Variants in LRP1B observed in about 807,000 individuals in gnomAD.
LRP1B encodes low-density lipoprotein receptor-related protein 1B.
Under a neutral mutation model 556.6 loss-of-function variants are expected in LRP1B, and 217 were observed. That is an observed-to-expected ratio of 0.39 (90% confidence interval 0.35 to 0.44). LRP1B has a LOEUF of 0.44. Ranked by LOEUF, LRP1B falls within the 20% of genes least tolerant of loss-of-function variation. LRP1B has a pLI of 1.00. For synonymous variants in LRP1B, 2,047 were observed against 1,865.8 expected, an observed-to-expected ratio of 1.10 and a Z score of -2.50; for missense variants, 5,053 against 5,620.8, an observed-to-expected ratio of 0.90 and a Z score of 3.23.
intron 3 of LRP1B, among the ~76,000 whole-genome samples, chr2:141,375,051 G>A (rs1163099242): frequency 6.6e-6 from 1 of 152,102 alleles, no homozygotes; most frequent in African/African-American, 2.4e-5. Context: ...TCCTGAAGAT[G>A]TATGTATGTT....
intron 1 of LRP1B, among the ~76,000 whole-genome samples, chr2:141,833,742 C>CG (rs1553470930): frequency 4.7e-5 from 7 of 148,328 alleles, no homozygotes; most frequent in African/African-American, 1.8e-4. Flanking sequence ...AAGTAGCCAA[C>CG]GGAAAAAAAA....
chr2:140,268,133 C>A (rs1016722560), intron 86 of LRP1B, among the ~76,000 whole-genome samples: 2 of 151,950 alleles, frequency 1.3e-5, no homozygotes, highest in Non-Finnish European at 2.9e-5. Flanking sequence ...TCAGGAGAAG[C>A]CTTACTGGTG....
At chr2:141,716,348 A>C (rs1692585175) in intron 2 of LRP1B, among the ~76,000 whole-genome samples, 1 of 152,200 alleles carries the variant, frequency 6.6e-6, no homozygotes, top group South Asian at 2.1e-4. Context: ...CTTAGCAAGC[A>C]TTATACTTTA....
intron 86 of LRP1B, among the ~76,000 whole-genome samples, chr2:140,267,446 C>T (rs1430554561): frequency 6.6e-6 from 1 of 151,828 alleles, no homozygotes; most frequent in Non-Finnish European, 1.5e-5. Context: ...CACACCCTCC[C>T]CTATATTTTT....
At chr2:141,204,912 G>A (rs1199883817) in intron 6 of LRP1B, among the ~76,000 whole-genome samples, 29 of 151,914 alleles carry the variant, frequency 1.9e-4, no homozygotes, top group Non-Finnish European at 4.4e-5. Flanking sequence ...ACCCTAGCCT[G>A]GGTGACAGAG....
chr2:140,909,826 G>A (rs913358312), intron 21 of LRP1B, among the ~76,000 whole-genome samples: 8 of 150,842 alleles, frequency 5.3e-5, no homozygotes, highest in Admixed American at 4.0e-4. Context: ...TCTATAGAGA[G>A]CATATACTAG....
chr2:140,688,152 T>C (rs1686114794), intron 41 of LRP1B, among the ~76,000 whole-genome samples: 1 of 152,130 alleles, frequency 6.6e-6, no homozygotes, highest in Non-Finnish European at 1.5e-5. Flanking sequence ...ATTGTTTTTT[T>C]ACACAGAAAC....
intron 1 of LRP1B, among the ~76,000 whole-genome samples, chr2:142,074,347 G>C (rs977863307): frequency 6.6e-6 from 1 of 151,846 alleles, no homozygotes; most frequent in Non-Finnish European, 1.5e-5. Context: ...GCCTCTTCTG[G>C]CTTCTCTCCA....
intron 79 of LRP1B, among the ~76,000 whole-genome samples, chr2:140,330,224 A>AATAATAATAATAATG (rs1680734350): frequency 1.4e-5 from 2 of 144,330 alleles, no homozygotes; most frequent in African/African-American, 5.1e-5. Flanking sequence ...TAATAATAAT[A>AATAATAATAATAATG]ATAATAATAA....
intron 32 of LRP1B, among the ~76,000 whole-genome samples, chr2:140,799,610 A>C (rs1323506395): frequency 1.3e-5 from 2 of 152,240 alleles, no homozygotes; most frequent in Non-Finnish European, 2.9e-5. Context: ...ATGCAGATGT[A>C]GATTTTTCCC....
rs1415837703 is a variant in LRP1B at position 141,464,604 on chromosome 2, A to ATTT, written c.343+15791_343+15792insAAA. Reference sequence around the variant, plus strand: ...ATTTTGTATATATATATATATATATATATTTTTTTAGTAGAGATGGGGTTT... The same window carrying ATTT: ...ATTTTGTATATATATATATATATATATTTTATTTTTTTAGTAGAGATGGGGTTT... On this transcript the variant is annotated intron_variant, in intron 3 of 90. Transcript: ENST00000389484. Among the ~76,000 whole-genome samples the ATTT allele has an allele frequency of 3.4e-4, 25 of 72,780 alleles. 1 individual carries two copies. In the South Asian group the frequency reaches 3.8e-3, roughly 11 times the overall value. 47.7% of individuals were successfully genotyped at this position (72,780 alleles called of 152,430 possible).
chr2:141,006,778 C>A (rs1361060081), intron 14 of LRP1B, among the ~76,000 whole-genome samples: 1 of 151,912 alleles, frequency 6.6e-6, no homozygotes, highest in Non-Finnish European at 1.5e-5. Flanking sequence ...ACATAGCATG[C>A]TACGGTACTG....
chr2:140,708,606 C>CCT lies in LRP1B; in HGVS notation c.6024-6055_6024-6054dup, dbSNP rs1686924982. ...ATTTTATATATGTGTTTACACCCTG[C>CCT]CTCATTGCCCATCCTCTCACTTAAA... On this transcript the variant is annotated intron_variant, in intron 37 of 90. Transcript: ENST00000389484. 2.0e-5 allele frequency among the ~76,000 whole-genome samples: 3 copies of CCT among 151,502 alleles called. No individual in the cohort carries two copies. The South Asian group carries it at 6.2e-4, about 31-fold the overall frequency.
At chr2:141,827,500 T>G (rs1293493121) in intron 1 of LRP1B, among the ~76,000 whole-genome samples, 2 of 152,184 alleles carry the variant, frequency 1.3e-5, no homozygotes, top group African/African-American at 4.8e-5. Context: ...AGGTATGATC[T>G]TTCTCCTGTG....
chr2:140,346,319 T>C (rs1246495022), intron 77 of LRP1B, among the ~76,000 whole-genome samples: 1 of 151,770 alleles, frequency 6.6e-6, no homozygotes, highest in Non-Finnish European at 1.5e-5. Flanking sequence ...AAATATTGTG[T>C]AATTAAGGAA....
rs556586089 is a variant in LRP1B at position 140,742,968 on chromosome 2, T to C, written c.5759-26152A>G. Among the ~76,000 whole-genome samples, 15 of 152,238 alleles carry C rather than the reference T, an allele frequency of 9.9e-5. No homozygotes were observed. In the East Asian group the frequency reaches 2.9e-3, roughly 29 times the overall value. ...GTCTCCAGCATTACCACTGGGGGAA[T>C]TTGGGCAGTAAAATAAACATAAACT... is the stretch of plus-strand genomic sequence containing the variant. On this transcript the variant is annotated intron_variant, in intron 35 of 90. Transcript: ENST00000389484.
chr2:141,820,414 G>A (rs1435230708), intron 1 of LRP1B, among the ~76,000 whole-genome samples: 1 of 152,042 alleles, frequency 6.6e-6, no homozygotes, highest in Non-Finnish European at 1.5e-5. Flanking sequence ...GTTCCGTTTT[G>A]CAAAGAAAAT....
intron 3 of LRP1B, among the ~76,000 whole-genome samples, chr2:141,454,991 C>T (rs571618751): frequency 6.6e-6 from 1 of 151,992 alleles, no homozygotes; most frequent in East Asian, 1.9e-4. Flanking sequence ...TTCTTTTAAA[C>T]TGCTGTCACC....
Position 140,335,659 on chromosome 2 carries a change from ATT to A in LRP1B, c.12070_12071del (p.Asn4024TyrfsTer13). 6.2e-7 allele frequency: 1 copy of A among 1,612,564 alleles called. No homozygotes were observed. The highest frequency in any genetic ancestry group is 8.5e-7 in the Non-Finnish European group (1 of 1,178,952). On this transcript the variant is annotated frameshift_variant, in exon 78 of 91. Transcript: ENST00000389484. LOFTEE classifies it high-confidence loss of function. Reference protein sequence around the residue: ...NGPNCTRLLTNMAGEPYAIAV... With the variant: ...NGPNCTRLLTXMAGEPYAIAV... ...CAATAGCATAGGGTTCTCCAGCCAT[ATT>A]TGTTAAGAGTCTGGTGCAGTTGGGG...
Sources: allele counts gnomAD v4.1 joint callset (sites outside exome capture counted in the v4.1 genomes callset), GRCh38; gene constraint gnomAD v4.1.1; transcripts MANE v1.5; gene names NCBI Gene and HGNC (gene_info 2026-07-23, HGNC 2026-07-21).